The following HMGXB4 variants were observed in gnomAD, a reference collection of about 807,000 sequenced individuals.
HMGXB4 encodes HMG domain-containing protein 4.
Under a neutral mutation model 63.9 loss-of-function variants are expected in HMGXB4, and 27 were observed. The observed-to-expected ratio is 0.42, with a 90% CI of 0.31 to 0.58. HMGXB4 has a LOEUF of 0.58. Among genes scored for constraint, HMGXB4 ranks in the 20% least tolerant of loss-of-function variants. The pLI is 0.13. For synonymous variants in HMGXB4, 264 were observed against 265.3 expected (o/e 0.99, Z 0.05); for missense variants, 624 against 700.7 (o/e 0.89, Z 1.24).
chr22:35,292,108 C>T (rs952177639), intron 9 of HMGXB4, among the ~76,000 whole-genome samples: 1 of 152,150 alleles, frequency 6.6e-6, no homozygotes, highest in African/African-American at 2.4e-5. Flanking sequence ...AAAAGACAGC[C>T]AGAAATGCAG....
chr22:35,245,948 CCTGA>C, the HMGXB4 span, among the ~76,000 whole-genome samples: 5 of 152,142 alleles, frequency 3.3e-5, no homozygotes, highest in Non-Finnish European at 7.4e-5. Context: ...TGGTGGCAGT[CCTGA>C]CTCTCTCCTT....
At chr22:35,250,148 C>T in the HMGXB4 span, among the ~76,000 whole-genome samples, 1 of 152,008 alleles carries the variant, frequency 6.6e-6, no homozygotes, top group Admixed American at 6.6e-5. Context: ...CATTCCAACC[C>T]ACAGACAAGG....
At chr22:35,287,224 A>T in intron 7 of HMGXB4, 123 bp from the exon 8 acceptor site, 1 of 715,356 alleles carries the variant, frequency 1.4e-6, no homozygotes, top group Non-Finnish European at 2.4e-6. Context: ...GTTAGCATTA[A>T]CCCTCTGTCT....
chr22:35,288,592 A>C (rs929221022), intron 9 of HMGXB4, among the ~76,000 whole-genome samples, 185 bp downstream of exon 9: 6 of 152,266 alleles, frequency 3.9e-5, no homozygotes, highest in African/African-American at 1.4e-4. Context: ...AGAGATATTC[A>C]GTCTACCTGT....
rs773289619 is a variant in HMGXB4, at chr22:35,283,977, A to G, written c.1231A>G (p.Met411Val). Reference sequence around the variant, plus strand: ...GCGGCATTAGCCAAAAAAGAAGAACATGTCGGCCTACCAGGTGTTCTGTAA... The same window carrying G: ...GCGGCATTAGCCAAAAAAGAAGAACGTGTCGGCCTACCAGGTGTTCTGTAA... ...ERGEKPKKKN[M>V]SAYQVFCKEY... Residue 411 changes from methionine to valine, a missense_variant, in exon 6 of 11, where the codon ATG (methionine) becomes GTG (valine). Coordinates refer to ENST00000216106, the MANE Select transcript of HMGXB4 (RefSeq NM_001003681.3). 7 of 1,613,950 alleles carry G rather than the reference A, an allele frequency of 4.3e-6. No homozygotes were observed. The highest frequency in any genetic ancestry group is 1.6e-4 in the Middle Eastern group (1 of 6,084).
intron 5 of HMGXB4, among the ~76,000 whole-genome samples, chr22:35,278,797 C>A (rs1036557805): frequency 1.5e-4 from 23 of 149,848 alleles, no homozygotes; most frequent in Non-Finnish European, 3.0e-5. Flanking sequence ...TACAAGCATG[C>A]ACCACCACAC....
chr22:35,265,127 A>G lies in HMGXB4; in HGVS notation c.739A>G (p.Thr247Ala). ...LGHELQSFLK[T>A]ARKKHKSSSD... ...ACATGAGTTACAGAGCTTTCTGAAA[A>G]CAGCCCGGAAAAAGCACAAGTCATC... Residue 247 changes from threonine (T) to alanine (A), a missense_variant, in exon 5 of 11, where the codon ACA becomes GCA. Physicochemically the swap from Thr to Ala is moderately conservative, Grantham distance 58 (BLOSUM62 0). Coordinates refer to ENST00000216106, the MANE Select transcript of HMGXB4 (RefSeq NM_001003681.3). 6.2e-7 allele frequency: 1 copy of G among 1,614,148 alleles called. No individual in the cohort carries two copies. The highest frequency in any genetic ancestry group is 8.5e-7 in the Non-Finnish European group (1 of 1,180,026).
At chr22:35,258,103 TGCC>T (rs1922565350) in intron 1 of HMGXB4, 1 of 152,210 alleles carries the variant, frequency 6.6e-6, no homozygotes, top group African/African-American at 2.4e-5. Flanking sequence ...AGCTAGCTGT[TGCC>T]GCAAAACTGC....
chr22:35,265,177 C>A lies in HMGXB4; in HGVS notation c.789C>A (p.Gly263=). The A allele has an allele frequency of 6.2e-7, 1 of 1,614,110 alleles. No homozygotes were observed. The highest frequency in any genetic ancestry group is 2.2e-5 in the East Asian group (1 of 44,878). The change falls in exon 5 of 11, where the codon GGC becomes GGA. Residue 263 remains glycine (G), a synonymous_variant. Coordinates refer to ENST00000216106, the MANE Select transcript of HMGXB4 (RefSeq NM_001003681.3). ...KSSSDAHSSP[G]PEGCGSDASQ... ...CCTCAGACGCACATTCATCTCCTGG[C>A]CCTGAAGGCTGTGGGTCTGACGCCT... is the stretch of plus-strand genomic sequence containing the variant.
chr22:35,285,909 C>A, intron 6 of HMGXB4, 88 bp from the exon 7 acceptor site: 1 of 952,670 alleles, frequency 1.0e-6, no homozygotes, highest in Non-Finnish European at 1.6e-6. Flanking sequence ...AGCTTCAAAA[C>A]CCTTTTCCAG....
At chr22:35,288,711 C>T (rs1198925522) in intron 9 of HMGXB4, among the ~76,000 whole-genome samples, 2 of 152,096 alleles carry the variant, frequency 1.3e-5, no homozygotes, top group Admixed American at 6.5e-5. Flanking sequence ...GGAGGCTGGG[C>T]GCAGTGGCTC....
chr22:35,286,015 A>G lies in HMGXB4; in HGVS notation c.1316A>G (p.Lys439Arg). ...ATGCCAGATTTTGGGGAACTTAGTA[A>G]AAAACTGGCTGAGGTGTGGAAGCAA... ...HPGIDFGELS[K>R]KLAEVWKQLP... Residue 439 changes from lysine to arginine, a missense_variant, in exon 7 of 11, where the codon AAA becomes AGA. This residue lies in a region of HMGXB4 where 152 missense variants were observed against 230.1 expected (regional missense o/e 0.66). Coordinates refer to ENST00000216106, the MANE Select transcript of HMGXB4 (RefSeq NM_001003681.3). 6.2e-7 allele frequency: 1 copy of G among 1,610,768 alleles called. No homozygotes were observed. The highest frequency in any genetic ancestry group is 8.5e-7 in the Non-Finnish European group (1 of 1,179,210).
chr22:35,294,790 C>CGCCCTCCCTTCT lies in HMGXB4; in HGVS notation c.*1140_*1151dup, dbSNP rs1350627478. The CGCCCTCCCTTCT allele has an allele frequency of 6.6e-6, 1 of 152,068 alleles. No homozygotes were observed. The highest frequency in any genetic ancestry group is 1.5e-5 in the Non-Finnish European group (1 of 68,008). 9.4% of individuals were successfully genotyped at this position (152,068 alleles called of 1,614,324 possible). On this transcript the variant is annotated 3_prime_UTR_variant, in exon 11 of 11. Transcript: ENST00000216106. ...ATACAGATTTGTCATTTCTCCCTTC[C>CGCCCTCCCTTCT]GCCCTCCCTTCTTTCCTTCCTTCCT...
At chr22:35,270,312 C>T (rs1384298173) in intron 5 of HMGXB4, among the ~76,000 whole-genome samples, 4 of 152,042 alleles carry the variant, frequency 2.6e-5, no homozygotes, top group Admixed American at 6.6e-5. Flanking sequence ...ATCTAATGCC[C>T]GATGATCTGT....
intron 4 of HMGXB4, 40 bp downstream of exon 4, chr22:35,263,914 G>T (rs373201485): frequency 6.2e-7 from 1 of 1,600,508 alleles, no homozygotes; most frequent in Non-Finnish European, 8.6e-7. Context: ...TAAACACATC[G>T]CTGGTTCTTG....
At chr22:35,265,853 C>A (rs1391368954) in intron 5 of HMGXB4, among the ~76,000 whole-genome samples, 1 of 149,350 alleles carries the variant, frequency 6.7e-6, no homozygotes, top group African/African-American at 2.5e-5. Flanking sequence ...GTGGTGCAGT[C>A]TGGGCTCACT....
At chr22:35,283,513 G>A (rs921934150) in intron 5 of HMGXB4, among the ~76,000 whole-genome samples, 2 of 152,220 alleles carry the variant, frequency 1.3e-5, no homozygotes, top group African/African-American at 2.4e-5. Flanking sequence ...TTCCTGGCCA[G>A]GCATGGTGGC....
intron 9 of HMGXB4, 53 bp downstream of exon 9, chr22:35,288,460 T>C (rs1251439381): frequency 2.9e-6 from 4 of 1,393,318 alleles, no homozygotes; most frequent in East Asian, 2.5e-5. Context: ...GTTTCCCATA[T>C]AATTTTGATT....
chr22:35,261,682 TTGG>T (rs1000545773), intron 1 of HMGXB4, among the ~76,000 whole-genome samples: 17 of 152,296 alleles, frequency 1.1e-4, no homozygotes, highest in Admixed American at 2.0e-4. Context: ...TAAGAAAGCC[TTGG>T]TGGTGGTGAC....
Sources: gnomAD v4.1 joint callset for allele counts (sites outside exome capture counted in the v4.1 genomes callset) on GRCh38, gnomAD v4.1.1 for gene constraint, gnomAD v4.1.1 regional missense constraint, MANE v1.5 for transcripts, NCBI Gene and HGNC (gene_info 2026-07-23, HGNC 2026-07-21) for gene names.